The following TPO variants were observed in gnomAD, a reference collection of about 807,000 sequenced individuals.
TPO encodes the protein thyroid peroxidase.
Under a neutral mutation model 96.9 loss-of-function variants are expected in TPO, and 78 were observed. That is an observed-to-expected ratio of 0.81 (90% CI 0.67 to 0.97). The LOEUF is 0.97. TPO is among the 50% of genes least tolerant of loss of function. The pLI, the probability that TPO is intolerant of heterozygous loss-of-function variation, is 0.00. For synonymous variants in TPO, 547 were observed against 538.0 expected (o/e 1.02, Z -0.23); for missense variants, 1,252 against 1,274.8 (o/e 0.98, Z 0.27).
At chr2:1,375,507 G>C (rs866510752) in intron 1 of TPO, among the ~76,000 whole-genome samples, 7 of 151,806 alleles carry the variant, frequency 4.6e-5, no homozygotes, top group African/African-American at 1.7e-4. Context: ...AAGAGGGAGG[G>C]CAGGCAGTGG....
At chr2:1,486,385 A>C (rs542011296) in intron 9 of TPO, among the ~76,000 whole-genome samples, 1 of 151,956 alleles carries the variant, frequency 6.6e-6, no homozygotes, top group South Asian at 2.1e-4. Flanking sequence ...ACAAACAAAA[A>C]ACATTAGCCG....
At chr2:1,440,416 C>T (rs1213265611) in intron 5 of TPO, among the ~76,000 whole-genome samples, 3 of 152,192 alleles carry the variant, frequency 2.0e-5, no homozygotes, top group African/African-American at 7.2e-5. Context: ...TCCTAATTGC[C>T]TAGGACGTAT....
At chr2:1,423,013 G>A (rs1174263240) in intron 2 of TPO, 32 bp from the exon 3 acceptor site, 1 of 1,604,400 alleles carries the variant, frequency 6.2e-7, no homozygotes, top group Admixed American at 1.7e-5. Context: ...AACTGTCATT[G>A]CGCTTTGACT....
intron 7 of TPO, among the ~76,000 whole-genome samples, chr2:1,470,924 A>C (rs1179277571): frequency 1.3e-5 from 2 of 152,208 alleles, no homozygotes; most frequent in African/African-American, 4.8e-5. Context: ...TAGATTTCCA[A>C]CGCAGTGCCA....
chr2:1,483,204 G>A (rs1197975797), intron 8 of TPO, among the ~76,000 whole-genome samples: 1 of 152,178 alleles, frequency 6.6e-6, no homozygotes, highest in Non-Finnish European at 1.5e-5. Context: ...GAAGGGCGCA[G>A]GTTTCCTCTC....
At position 1,456,193 on chromosome 2, in the gene TPO, A is replaced by T. The variant is rs769221100; in HGVS notation, c.730A>T (p.Thr244Ser). 6.2e-7 allele frequency: 1 copy of T among 1,614,148 alleles called. No homozygotes were observed. The highest frequency in any genetic ancestry group is 2.2e-5 in the East Asian group (1 of 44,886). The change falls in exon 7 of 17, where the codon ACA (threonine) becomes TCA (serine). Residue 244 changes from threonine (T) to serine (S), a missense_variant. Transcript: ENST00000329066. Reference protein sequence around the residue: ...GQYIDHDIAFTPQSTSKAAFG... With the variant: ...GQYIDHDIAFSPQSTSKAAFG... The stretch of plus-strand genomic sequence containing the variant: ...ATACATCGACCACGACATCGCGTTC[A>T]CACCACAGAGCACCAGCAAAGCTGC...
At chr2:1,515,202 C>T (rs940616767) in intron 14 of TPO, among the ~76,000 whole-genome samples, 6 of 152,220 alleles carry the variant, frequency 3.9e-5, no homozygotes, top group African/African-American at 1.2e-4. Flanking sequence ...GGCACACAGG[C>T]GGAGCCCCCA....
At position 1,379,210 on chromosome 2, in the gene TPO, CAGG is replaced by C. The variant is rs553344685; in HGVS notation, n.180+4811_180+4813del. On this transcript the variant is annotated intron_variant and non_coding_transcript_variant, in intron 1 of 5. Transcript: ENST00000497517. ...GTCCCAGCTACTCAGGAAACTGAGG[CAGG>C]AGAATCGCTTGAACCCAGGAGGCGG... 1.6e-3 allele frequency among the ~76,000 whole-genome samples: 240 copies of C among 152,192 alleles called. 1 individual carries two copies. The highest frequency in any genetic ancestry group is 0.01 in the Middle Eastern group (3 of 294).
intron 14 of TPO, among the ~76,000 whole-genome samples, chr2:1,506,682 C>CT (rs1673502031): frequency 6.6e-6 from 1 of 152,208 alleles, no homozygotes; most frequent in Non-Finnish European, 1.5e-5. Flanking sequence ...TAAATGTCTT[C>CT]TTTTGAGAAG....
chr2:1,527,831 C>CTGTGTGCAACCTCCTAAATCCCAA (rs1276318932), intron 15 of TPO, among the ~76,000 whole-genome samples: 1 of 107,580 alleles, frequency 9.3e-6, no homozygotes, highest in Admixed American at 1.0e-4. Flanking sequence ...AATCCCCATA[C>CTGTGTGCAACCTCCTAAATCCCAA]TGTGTGCAAC....
chr2:1,478,475 G>A (rs1468775040), intron 8 of TPO, among the ~76,000 whole-genome samples: 10 of 152,230 alleles, frequency 6.6e-5, no homozygotes, highest in African/African-American at 2.4e-4. Context: ...GGCTGTGTGT[G>A]GCACCGGCTG....
intron 8 of TPO, chr2:1,478,133 A>AGAG (rs1271691499): frequency 1.0e-6 from 1 of 985,304 alleles, no homozygotes; most frequent in Non-Finnish European, 1.2e-6. Context: ...CTAACAAGTT[A>AGAG]GAGTCTATTT....
At chr2:1,402,745 C>A (rs1662191995) in intron 1 of TPO, among the ~76,000 whole-genome samples, 1 of 152,092 alleles carries the variant, frequency 6.6e-6, no homozygotes, top group African/African-American at 2.4e-5. Context: ...GAAAACTGCC[C>A]CCAGGATTTA....
chr2:1,394,832 G>T (rs563253331), intron 1 of TPO, among the ~76,000 whole-genome samples: 1 of 152,084 alleles, frequency 6.6e-6, no homozygotes, highest in African/African-American at 2.4e-5. Flanking sequence ...TTTGCAAGCC[G>T]CATTGGATGG....
intron 14 of TPO, chr2:1,512,387 C>A (rs1008826289): frequency 3.7e-5 from 36 of 985,478 alleles, no homozygotes; most frequent in Non-Finnish European, 4.3e-5. Context: ...ATCTGCCTCT[C>A]CAGATCCTGC....
chr2:1,385,933 C>T (rs1159401992), intron 1 of TPO, among the ~76,000 whole-genome samples: 1 of 152,118 alleles, frequency 6.6e-6, no homozygotes, highest in African/African-American at 2.4e-5. Flanking sequence ...TCGTTGGTTT[C>T]AAAGAACATC....
At chr2:1,449,732 G>A (rs1287252049) in intron 5 of TPO, among the ~76,000 whole-genome samples, 2 of 152,142 alleles carry the variant, frequency 1.3e-5, no homozygotes, top group South Asian at 2.1e-4. Flanking sequence ...TTATGAAATC[G>A]CAGAACATAT....
chr2:1,437,802 G>A (rs1050989906), intron 5 of TPO, among the ~76,000 whole-genome samples: 1 of 151,228 alleles, frequency 6.6e-6, no homozygotes, highest in East Asian at 2.0e-4. Context: ...GGCCACACAG[G>A]AGGCTGCTGT....
chr2:1,531,184 TCCCCAAATCCCCACACTGTCTGCAACCA>T (rs1678112222), intron 15 of TPO, among the ~76,000 whole-genome samples: 1 of 70,970 alleles, frequency 1.4e-5, no homozygotes, highest in Non-Finnish European at 2.5e-5. Flanking sequence ...GTGAGCAACC[TCCCCAAATCCCCACACTGTCTGCAACCA>T]CCCCAAATCG....
Sources: allele counts gnomAD v4.1 joint callset (sites outside exome capture counted in the v4.1 genomes callset), GRCh38; gene constraint gnomAD v4.1.1; transcripts MANE v1.5; gene names NCBI Gene and HGNC (gene_info 2026-07-23, HGNC 2026-07-21).